The following PRKACB variants were observed in gnomAD, a reference collection of about 807,000 sequenced individuals.
PRKACB encodes cAMP-dependent protein kinase catalytic subunit beta.
Under a neutral mutation model 51.4 loss-of-function variants are expected in PRKACB, and 16 were observed. That is an observed-to-expected ratio of 0.31 (90% confidence interval 0.21 to 0.47). PRKACB has a LOEUF of 0.47. Ranked by LOEUF, PRKACB falls within the 20% of genes least tolerant of loss-of-function variation. The pLI, the probability that PRKACB is intolerant of heterozygous loss-of-function variation, is 1.00. For synonymous variants in PRKACB, 147 were observed against 154.4 expected (o/e 0.95, Z 0.35); for missense variants, 309 against 464.5 (o/e 0.67, Z 3.08).
rs550909021 is a variant in PRKACB, at chr1:84,203,074, C to T, written c.906+269C>T. Reference sequence around the variant, plus strand: ...AGAACAGGATCATAGCCATAATTCTCGATATTCCTTCAAATAAATAAAAAT... The same window carrying T: ...AGAACAGGATCATAGCCATAATTCTTGATATTCCTTCAAATAAATAAAAAT... On this transcript the variant is annotated intron_variant, in intron 8 of 9. Transcript: ENST00000370685. Among the ~76,000 whole-genome samples, 159 of 152,010 alleles carry T rather than the reference C, an allele frequency of 1.0e-3. 1 individual carries two copies. The highest frequency in any genetic ancestry group is 3.7e-3 in the African/African-American group (155 of 41,526).
At chr1:84,093,785 TAGTAGTGCTTTGTA>T (rs1648709396) in intron 1 of PRKACB, among the ~76,000 whole-genome samples, 1 of 151,958 alleles carries the variant, frequency 6.6e-6, no homozygotes, top group African/African-American at 2.4e-5. Flanking sequence ...TAACTTCTTT[TAGTAGTGCTTTGTA>T]ATATGCTGTT....
At chr1:84,166,000 G>A (rs761545323) in intron 1 of PRKACB, among the ~76,000 whole-genome samples, 9 of 151,504 alleles carry the variant, frequency 5.9e-5, no homozygotes, top group Admixed American at 1.3e-4. Flanking sequence ...CAAAATTGAC[G>A]AACCTTTTCT....
chr1:84,131,186 CCT>C (rs1327356210), intron 1 of PRKACB, among the ~76,000 whole-genome samples: 4 of 151,966 alleles, frequency 2.6e-5, no homozygotes, highest in African/African-American at 9.7e-5. Flanking sequence ...GAGAGACCTC[CCT>C]CTCTACTAAA....
At chr1:84,096,963 G>A (rs181251077) in intron 1 of PRKACB, among the ~76,000 whole-genome samples, 5 of 151,944 alleles carry the variant, frequency 3.3e-5, no homozygotes, top group South Asian at 2.1e-4. Flanking sequence ...TATTAGTTTC[G>A]CCTGTTTTTG....
intron 1 of PRKACB, chr1:84,178,825 G>C (rs12086972): frequency 0.014 from 2,238 of 158,908 alleles, 60 homozygotes; most frequent in African/African-American, 0.049. Flanking sequence ...GTATCTAAAG[G>C]CTCCGTTAAT....
chr1:84,199,949 G>T (rs1425817494), intron 7 of PRKACB, among the ~76,000 whole-genome samples: 1 of 151,998 alleles, frequency 6.6e-6, no homozygotes, highest in Admixed American at 6.6e-5. Flanking sequence ...GAGTTCAAGC[G>T]ATTCTCGTGC....
chr1:84,154,617 A>G (rs1198941236), intron 1 of PRKACB, among the ~76,000 whole-genome samples: 1 of 152,176 alleles, frequency 6.6e-6, no homozygotes. Context: ...TGCAAAAGAA[A>G]ATTATAGGCC....
At chr1:84,156,056 A>G (rs1392480403) in intron 1 of PRKACB, among the ~76,000 whole-genome samples, 1 of 152,016 alleles carries the variant, frequency 6.6e-6, no homozygotes, top group East Asian at 1.9e-4. Context: ...TGGTGTGATC[A>G]TGGCTCACTG....
intron 1 of PRKACB, among the ~76,000 whole-genome samples, chr1:84,138,232 A>G (rs1342373346): frequency 6.6e-6 from 1 of 152,226 alleles, no homozygotes; most frequent in Non-Finnish European, 1.5e-5. Context: ...GTGTACACAC[A>G]TGCACACATA....
intron 5 of PRKACB, among the ~76,000 whole-genome samples, chr1:84,193,638 C>A (rs906612447): frequency 4.6e-5 from 7 of 152,086 alleles, no homozygotes; most frequent in Admixed American, 1.3e-4. Flanking sequence ...CTTAGAGTCA[C>A]AGCAGGTTGT....
chr1:84,104,665 C>T (rs904289003), intron 1 of PRKACB, among the ~76,000 whole-genome samples: 2 of 151,986 alleles, frequency 1.3e-5, no homozygotes, highest in African/African-American at 2.4e-5. Flanking sequence ...TCATTCAAAC[C>T]GAGGTGAGAT....
At chr1:84,099,203 T>C (rs1205037448) in intron 1 of PRKACB, among the ~76,000 whole-genome samples, 4 of 152,132 alleles carry the variant, frequency 2.6e-5, no homozygotes, top group Non-Finnish European at 4.4e-5. Context: ...GTAAGAAATA[T>C]AAGTACAATA....
At chr1:84,090,381 C>T (rs1648362963) in intron 1 of PRKACB, among the ~76,000 whole-genome samples, 1 of 152,150 alleles carries the variant, frequency 6.6e-6, no homozygotes, top group Non-Finnish European at 1.5e-5. Flanking sequence ...ATCTATTGTT[C>T]CATCATGCAG....
upstream of PRKACB, among the ~76,000 whole-genome samples, chr1:84,139,888 C>G (rs148514000): frequency 2.8e-4 from 43 of 152,194 alleles, no homozygotes; most frequent in African/African-American, 9.9e-4. Flanking sequence ...GAAACTTTGT[C>G]TCTACTAAAA....
intron 5 of PRKACB, among the ~76,000 whole-genome samples, chr1:84,188,370 A>G (rs183500274): frequency 1.7e-4 from 26 of 151,932 alleles, no homozygotes; most frequent in Admixed American, 1.6e-3. Context: ...TATTGATCTT[A>G]AAGTTATTAA....
chr1:84,218,790 C>A (rs1056608281), intron 9 of PRKACB, among the ~76,000 whole-genome samples: 1 of 152,102 alleles, frequency 6.6e-6, no homozygotes, highest in Admixed American at 6.5e-5. Context: ...TCTCCACATC[C>A]CCTCCAGCAC....
chr1:84,168,094 A>T (rs1455300184), intron 1 of PRKACB, among the ~76,000 whole-genome samples: 1 of 151,592 alleles, frequency 6.6e-6, no homozygotes, highest in Admixed American at 6.6e-5. Context: ...GTAGCAACTC[A>T]CTCAAATAAG....
At chr1:84,101,313 T>C (rs1478907423) in intron 1 of PRKACB, among the ~76,000 whole-genome samples, 1 of 152,182 alleles carries the variant, frequency 6.6e-6, no homozygotes, top group Non-Finnish European at 1.5e-5. Context: ...ACCCAAATTA[T>C]CTATGGTAAT....
At chr1:84,177,127 G>A (rs1048261236) in intron 1 of PRKACB, among the ~76,000 whole-genome samples, 1 of 151,726 alleles carries the variant, frequency 6.6e-6, no homozygotes, top group African/African-American at 2.4e-5. Context: ...TACTCATATA[G>A]GCATCTGGAG....
Sources: allele counts gnomAD v4.1 joint callset (sites outside exome capture counted in the v4.1 genomes callset), GRCh38; gene constraint gnomAD v4.1.1; transcripts MANE v1.5; gene names NCBI Gene and HGNC (gene_info 2026-07-23, HGNC 2026-07-21).